The following C2 variants were observed in gnomAD, a reference collection of about 807,000 sequenced individuals.
C2 encodes complement C2, also known as C3/C5 convertase.
In C2, 64 loss-of-function variants were observed where a neutral mutation model predicts 85.2. The observed-to-expected ratio is 0.75, with a 90% CI of 0.61 to 0.92. C2 has a LOEUF of 0.92. Ranked by LOEUF, C2 falls within the 40% of genes least tolerant of loss-of-function variation. The pLI is 0.00. For missense variants in C2, 820 were observed against 971.6 expected, an observed-to-expected ratio of 0.84 and a Z score of 2.07; for synonymous variants, 311 against 370.8, an observed-to-expected ratio of 0.84 and a Z score of 1.85.
chr6:31,921,134 G>T lies in C2; in HGVS notation c.-100+1108G>T, dbSNP rs1768937039. 6.6e-6 allele frequency among the ~76,000 whole-genome samples: 1 copy of T among 152,150 alleles called. No individual in the cohort carries two copies. Among genetic ancestry groups the T allele is most frequent in the African/African-American group, 2.4e-5 (1 of 41,418 alleles). ...CAGAGGCCTTTGTGTGGAAATGGGTGGGGTCTGACCCAATGTAAATATTTT... is the reference window on the plus strand; with the variant it reads ...CAGAGGCCTTTGTGTGGAAATGGGTTGGGTCTGACCCAATGTAAATATTTT... On this transcript the variant is annotated intron_variant, in intron 1 of 3. Coordinates refer to the C2 transcript ENST00000413154. This position sits in a 1 kb window ranked among gnomAD's most constrained non-coding sequence, Gnocchi z 4.6.
Position 31,943,624 on chromosome 6 carries a change from A to G in C2, c.1568-20A>G. 6 of 1,612,850 alleles carry G rather than the reference A, an allele frequency of 3.7e-6. No homozygotes were observed. The highest frequency in any genetic ancestry group is 5.1e-6 in the Non-Finnish European group (6 of 1,179,864). Reference sequence around the variant, plus strand: ...CCTGCAGGAGCCCTGGTCTAGCCTAATCTAGTGTATCATTTCCAGGAGACC... The same window carrying G: ...CCTGCAGGAGCCCTGGTCTAGCCTAGTCTAGTGTATCATTTCCAGGAGACC... On this transcript the variant is annotated intron_variant, in intron 12 of 17. Transcript: ENST00000299367. The surrounding 1 kb of genome is among the most constrained non-coding windows in gnomAD (Gnocchi z 6.4).
chr6:31,933,008 C>G (rs181063261), intron 3 of C2, among the ~76,000 whole-genome samples: 1 of 152,190 alleles, frequency 6.6e-6, no homozygotes, highest in Non-Finnish European at 1.5e-5. Context: ...CGCAGGCACT[C>G]GGCAAGCTGA....
In C2 at chr6:31,944,775, A is replaced by G; in HGVS notation, c.1951A>G (p.Asn651Asp). 6.2e-7 allele frequency: 1 copy of G among 1,613,088 alleles called. No individual in the cohort carries two copies. The highest frequency in any genetic ancestry group is 1.3e-5 in the African/African-American group (1 of 75,046). Residue 651 changes from asparagine (N) to aspartate (D), a missense_variant, in exon 16 of 18, where the codon AAC (asparagine) becomes GAC (aspartate). By Grantham distance (23) the Asn-to-Asp change is conservative. Transcript: ENST00000299367. The surrounding 1 kb of genome is among the most constrained non-coding windows in gnomAD (Gnocchi z 5.1). Reference sequence around the variant, plus strand: ...CTCCCAAGAAAAAACCATGTTCCCCAACTTGACAGATGTCAGGGAGGTGGT... The same window carrying G: ...CTCCCAAGAAAAAACCATGTTCCCCGACTTGACAGATGTCAGGGAGGTGGT... The part of the protein sequence containing the change: ...VVSQEKTMFP[N>D]LTDVREVVTD...
In C2 at chr6:31,944,830, A is replaced by C; in HGVS notation, c.2006A>C (p.Gln669Pro). The C allele has an allele frequency of 6.2e-7, 1 of 1,613,064 alleles. No homozygotes were observed. Among genetic ancestry groups the C allele is most frequent in the Non-Finnish European group, 8.5e-7 (1 of 1,180,000 alleles). The change falls in exon 16 of 18, where the codon CAG becomes CCG. Residue 669 changes from glutamine (Q) to proline (P), a missense_variant. Physicochemically the swap from Gln to Pro is moderately conservative, Grantham distance 76 (BLOSUM62 -1). Coordinates refer to ENST00000299367, the MANE Select transcript of C2 (RefSeq NM_000063.6). The surrounding 1 kb of genome is among the most constrained non-coding windows in gnomAD (Gnocchi z 5.1). ...GACCAGTTCCTATGCAGTGGGACCCAGGAGGATGAGAGTCCCTGCAAGGGT... is the reference window on the plus strand; with the variant it reads ...GACCAGTTCCTATGCAGTGGGACCCCGGAGGATGAGAGTCCCTGCAAGGGT... ...VTDQFLCSGT[Q>P]EDESPCKGES...
At chr6:31,934,348 ATC>A in intron 6 of C2, 49 bp downstream of exon 6, 1 of 1,612,434 alleles carries the variant, frequency 6.2e-7, no homozygotes, top group Non-Finnish European at 8.5e-7. Context: ...TGTGCTCACT[ATC>A]TCTCTCTGTC....
rs1351352866 is a variant in C2 at position 31,928,712 on chromosome 6, C to T, written c.257-20C>T. ...TATCCATCCAGTCCTATATTCCCCA[C>T]CCACTTCCTCTCTCTCCAGCTGTGC... is the stretch of plus-strand genomic sequence containing the variant. On this transcript the variant is annotated intron_variant, in intron 2 of 17. Coordinates refer to ENST00000299367, the MANE Select transcript of C2 (RefSeq NM_000063.6). 1 of 1,613,858 alleles carries T rather than the reference C, an allele frequency of 6.2e-7. No individual in the cohort carries two copies. Among genetic ancestry groups the T allele is most frequent in the Admixed American group, 1.7e-5 (1 of 60,022 alleles).
chr6:31,899,772 A>C, upstream of C2: 26 of 761,588 alleles, frequency 3.4e-5, no homozygotes, highest in Non-Finnish European at 4.9e-5. Context: ...TCTCCAAGGA[A>C]TCATCTTCCC....
chr6:31,938,230 G>A (rs531193685), intron 8 of C2, among the ~76,000 whole-genome samples: 172 of 152,022 alleles, frequency 1.1e-3, no homozygotes, highest in Middle Eastern at 3.4e-3. Context: ...CAGGAATGTC[G>A]AAGGGCACGG....
intron 1 of C2, among the ~76,000 whole-genome samples, chr6:31,903,410 ACC>A (rs1485290284): frequency 1.3e-5 from 2 of 152,174 alleles, no homozygotes; most frequent in Admixed American, 1.3e-4. Flanking sequence ...CAGGTGGATC[ACC>A]TGAGGTCAGG....
chr6:31,943,496 C>G lies in C2; in HGVS notation c.1536C>G (p.Gly512=). 6.2e-7 allele frequency: 1 copy of G among 1,613,008 alleles called. No homozygotes were observed. The highest frequency in any genetic ancestry group is 8.5e-7 in the Non-Finnish European group (1 of 1,180,000). The change falls in exon 12 of 18, where the codon GGC becomes GGG. Residue 512 remains glycine (G), a synonymous_variant. Transcript: ENST00000299367. The surrounding 1 kb of genome is among the most constrained non-coding windows in gnomAD (Gnocchi z 6.4). ...CAGCAGCTCATTGCTTCCGCGATGGCAACGACCACTCCCTGTGGAGGGTCA... is the reference window on the plus strand; with the variant it reads ...CAGCAGCTCATTGCTTCCGCGATGGGAACGACCACTCCCTGTGGAGGGTCA... ...VLTAAHCFRD[G]NDHSLWRVNV...
intron 6 of C2, chr6:31,934,923 G>A (rs1294420937): frequency 1.2e-5 from 3 of 254,918 alleles, no homozygotes; most frequent in South Asian, 1.4e-4. Context: ...CAGGAGAATC[G>A]CTTGGATCCG....
upstream of C2, among the ~76,000 whole-genome samples, chr6:31,898,866 G>A (rs560345260): frequency 1.6e-4 from 25 of 152,084 alleles, no homozygotes; most frequent in African/African-American, 5.3e-4. Context: ...TTGCAGAACT[G>A]GTGGAGGGCT....
At chr6:31,942,562 T>C (rs1770971691) in intron 9 of C2, among the ~76,000 whole-genome samples, 2 of 151,878 alleles carry the variant, frequency 1.3e-5, no homozygotes, top group South Asian at 2.1e-4. Flanking sequence ...AAAGTGGGGA[T>C]GAAAGTTTGT....
At position 31,939,337 on chromosome 6, in the gene C2, GCCA is replaced by G. The variant is rs750776173; in HGVS notation, c.1219+22_1219+24del. On this transcript the variant is annotated intron_variant, in intron 9 of 17. Transcript: ENST00000299367. ...ACTATCTGGGTGAGCCCCTGCCACT[GCCA>G]CCACATTTGTTCTGCTCCTGCAGAG... The G allele has an allele frequency of 3.7e-5, 59 of 1,576,674 alleles. No individual in the cohort carries two copies. Among genetic ancestry groups the G allele is most frequent in the Non-Finnish European group, 2.0e-5 (23 of 1,147,800 alleles).
upstream of C2, among the ~76,000 whole-genome samples, chr6:31,923,073 G>A (rs183540208): frequency 7.2e-5 from 11 of 152,264 alleles, no homozygotes; most frequent in Admixed American, 3.3e-4. Context: ...GTGAAAACAC[G>A]GTTACATTTG....
chr6:31,905,390 A>G (rs571127817), intron 1 of C2, among the ~76,000 whole-genome samples: 53 of 151,978 alleles, frequency 3.5e-4, no homozygotes, highest in African/African-American at 1.1e-3. Flanking sequence ...GTGAACCATG[A>G]TAGTGCCACT....
chr6:31,899,931 G>A (rs1767073340), upstream of C2: 3 of 1,578,838 alleles, frequency 1.9e-6, no homozygotes, highest in Non-Finnish European at 2.6e-6. Flanking sequence ...CGCGGCTAGC[G>A]GATGAGGACG....
chr6:31,900,253 G>A (rs756406209), upstream of C2: 13 of 1,613,766 alleles, frequency 8.1e-6, no homozygotes, highest in Middle Eastern at 1.7e-4. The surrounding 1 kb of genome is among the most constrained non-coding windows in gnomAD (Gnocchi z 9.7). Context: ...GCGCCCGCAT[G>A]TGGAAGACCA....
upstream of C2, chr6:31,900,726 C>T (rs552178569): frequency 3.1e-6 from 5 of 1,598,290 alleles, no homozygotes; most frequent in South Asian, 3.4e-5. The surrounding 1 kb of genome is among the most constrained non-coding windows in gnomAD (Gnocchi z 9.7). Context: ...TCTTCCTCGG[C>T]TTTCAGCTCC....
Sources: gnomAD v4.1 joint callset for allele counts (sites outside exome capture counted in the v4.1 genomes callset) on GRCh38, gnomAD v4.1.1 for gene constraint, Gnocchi (gnomAD v3.1) non-coding constraint, MANE v1.5 for transcripts, NCBI Gene and HGNC (gene_info 2026-07-23, HGNC 2026-07-21) for gene names.